Variants in BMP7 observed in about 807,000 individuals in gnomAD.
BMP7 encodes bone morphogenetic protein 7.
A neutral mutation model predicts 41.2 loss-of-function variants in BMP7; 12 were observed. The ratio of observed to expected loss-of-function variants is 0.29; its 90% CI spans 0.19 to 0.47. The LOEUF is 0.47. BMP7 is among the 20% of genes least tolerant of loss of function. The probability of loss-of-function intolerance (pLI) is 0.99; values close to 1 mark genes in which losing one functional copy is unlikely to be tolerated. For missense variants in BMP7, 467 were observed against 606.0 expected (o/e 0.77, Z 2.41); for synonymous variants, 248 against 250.0 (o/e 0.99, Z 0.07).
chr20:57,253,416 C>T (rs1308184464), intron 1 of BMP7, among the ~76,000 whole-genome samples: 1 of 152,204 alleles, frequency 6.6e-6, no homozygotes. Context: ...TCCCACCCTA[C>T]CCCCTCTTTC....
In BMP7 at chr20:57,209,249, TTATATATATATATATATATATATATATA is replaced by T. The variant is rs57062226; in HGVS notation, c.612-6654_612-6627del. ...AACAAATACCTAGATTTATATATTT[TTATATATATATATATATATATATATATA>T]TATATATATGTATATAAATTAACCA... On this transcript the variant is annotated intron_variant, in intron 2 of 6. Transcript: ENST00000395863. Among the ~76,000 whole-genome samples the T allele has an allele frequency of 2.1e-4, 20 of 94,876 alleles. 1 individual carries two copies. The highest frequency in any genetic ancestry group is 6.2e-4 in the African/African-American group (18 of 29,070). The allele number at this position is 94,876 out of a possible 152,430, so 62.2% of individuals were successfully genotyped here.
In BMP7 at chr20:57,202,601, C is replaced by T. The variant is rs752403942; in HGVS notation, c.634G>A (p.Asp212Asn). Residue 212 changes from aspartate to asparagine, a missense_variant, in exon 3 of 7, where the codon GAC becomes AAC. Physicochemically the swap from Asp to Asn is conservative, Grantham distance 23. This residue lies in a region of BMP7 where 407 missense variants were observed against 485.9 expected (regional missense o/e 0.84). Coordinates refer to ENST00000395863, the MANE Select transcript of BMP7 (RefSeq NM_001719.3). ...TCCGAGGCCCAGAGGGTACGGCTGTCGAGCAGGAAGAGATCCGATTCCCTG... is the reference window on the plus strand; with the variant it reads ...TCCGAGGCCCAGAGGGTACGGCTGTTGAGCAGGAAGAGATCCGATTCCCTG... Reference protein sequence around the residue: ...LGRESDLFLLDSRTLWASEEG... With the variant: ...LGRESDLFLLNSRTLWASEEG... 19 of 1,612,032 alleles carry T rather than the reference C, an allele frequency of 1.2e-5. No homozygotes were observed. Among genetic ancestry groups the T allele is most frequent in the South Asian group, 3.3e-5 (3 of 91,070 alleles).
In BMP7 at chr20:57,197,396, C is replaced by T. The variant is rs1347280930; in HGVS notation, c.760+5079G>A. On this transcript the variant is annotated intron_variant, in intron 3 of 6. Transcript: ENST00000395863. ...ATGTTAGAGGGTCCTGGGGTCTCTACCTCCGGATGGCCAGGCTGGGTCCCC... is the reference window on the plus strand; with the variant it reads ...ATGTTAGAGGGTCCTGGGGTCTCTATCTCCGGATGGCCAGGCTGGGTCCCC... 3.3e-5 allele frequency among the ~76,000 whole-genome samples: 5 copies of T among 152,156 alleles called. No homozygotes were observed. In the East Asian group the frequency reaches 7.7e-4, roughly 23 times the overall value.
intron 1 of BMP7, among the ~76,000 whole-genome samples, chr20:57,232,221 A>G (rs543997245): frequency 6.6e-6 from 1 of 152,312 alleles, no homozygotes; most frequent in African/African-American, 2.4e-5. Flanking sequence ...TGGAGATAGT[A>G]ACAATGGCCC....
At chr20:57,263,660 AG>A (rs2066162217) in intron 1 of BMP7, among the ~76,000 whole-genome samples, 1 of 152,176 alleles carries the variant, frequency 6.6e-6, no homozygotes, top group Non-Finnish European at 1.5e-5. Flanking sequence ...ACCCAACAGA[AG>A]GGAAGATGCT....
chr20:57,221,446 G>A (rs1253281032), intron 2 of BMP7, among the ~76,000 whole-genome samples: 1 of 152,160 alleles, frequency 6.6e-6, no homozygotes, highest in East Asian at 1.9e-4. Flanking sequence ...AAACATATGC[G>A]ACTGGGGAAA....
chr20:57,245,067 A>G (rs1342154673), intron 1 of BMP7, among the ~76,000 whole-genome samples: 2 of 151,886 alleles, frequency 1.3e-5, no homozygotes, highest in African/African-American at 4.8e-5. Context: ...TTAAAGCCAC[A>G]CTCTGTCCCT....
intron 1 of BMP7, among the ~76,000 whole-genome samples, chr20:57,257,595 T>C (rs73915076): frequency 0.043 from 6,516 of 152,216 alleles, 467 homozygotes; most frequent in African/African-American, 0.15. Flanking sequence ...TACAACTTAT[T>C]ACTATTTAAG....
chr20:57,239,883 TG>T (rs1341002424), intron 1 of BMP7, among the ~76,000 whole-genome samples: 2 of 152,040 alleles, frequency 1.3e-5, no homozygotes, highest in Non-Finnish European at 2.9e-5. Context: ...GTCCCTAGGG[TG>T]CACACAGCAG....
chr20:57,256,625 T>G (rs913672712), intron 1 of BMP7, among the ~76,000 whole-genome samples: 4 of 152,224 alleles, frequency 2.6e-5, no homozygotes, highest in African/African-American at 9.6e-5. Context: ...CCCAGCACTT[T>G]GGGAGGCCAA....
Position 57,169,365 on chromosome 20 carries a change from T to C in BMP7, c.*1594A>G, listed in dbSNP as rs947859379. 8.5e-5 allele frequency: 13 copies of C among 152,196 alleles called. No individual in the cohort carries two copies. The highest frequency in any genetic ancestry group is 2.9e-4 in the African/African-American group (12 of 41,444). 9.4% of individuals were successfully genotyped at this position (152,196 alleles called of 1,614,324 possible). A position where few individuals can be genotyped will look rare whatever the true frequency, so the allele number is the denominator to read the frequency against. On this transcript the variant is annotated 3_prime_UTR_variant, in exon 7 of 7. Coordinates refer to ENST00000395863, the MANE Select transcript of BMP7 (RefSeq NM_001719.3). ...CAGTCTAGCCCTCCCCTAGGCCTTGTGTTTGTGGCCGGAGGCTGAGTGCAT... is the reference window on the plus strand; with the variant it reads ...CAGTCTAGCCCTCCCCTAGGCCTTGCGTTTGTGGCCGGAGGCTGAGTGCAT...
chr20:57,223,257 C>T (rs982382026), intron 2 of BMP7, among the ~76,000 whole-genome samples: 1 of 151,592 alleles, frequency 6.6e-6, no homozygotes, highest in African/African-American at 2.4e-5. Flanking sequence ...GAATCTCTTT[C>T]CTTCCTCTTG....
intron 3 of BMP7, among the ~76,000 whole-genome samples, chr20:57,190,016 A>G (rs1186960819): frequency 6.6e-6 from 1 of 152,224 alleles, no homozygotes; most frequent in Non-Finnish European, 1.5e-5. Context: ...TTCCTGGCAG[A>G]GGGAATGGCA....
At chr20:57,251,788 T>G (rs573933688) in intron 1 of BMP7, among the ~76,000 whole-genome samples, 7 of 152,086 alleles carry the variant, frequency 4.6e-5, no homozygotes, top group Admixed American at 4.6e-4. Context: ...ACAAAAATTA[T>G]CTGGGCGTGG....
rs190803986 is a variant in BMP7, at chr20:57,265,323, G to A, written c.418+382C>T. 7.5e-3 allele frequency among the ~76,000 whole-genome samples: 1,146 copies of A among 152,308 alleles called. 5 individuals carry two copies. Among genetic ancestry groups the A allele is most frequent in the Admixed American group, 9.9e-3 (152 of 15,308 alleles). On this transcript the variant is annotated intron_variant, in intron 1 of 6. Transcript: ENST00000395863. ...AGAGGGGCCCAGGAAGGGCGGCAAG[G>A]CAGCCTCGCCGGGAAGGGCCCTTTA...
In BMP7 at chr20:57,168,860, T is replaced by C. The variant is rs1304337041; in HGVS notation, c.*2099A>G. ...CTCGACGCAACAGCTGTGAGTACAT[T>C]GGTCCAACCATTAATAAATAGTCTT... is the stretch of plus-strand genomic sequence containing the variant. On this transcript the variant is annotated 3_prime_UTR_variant, in exon 7 of 7. Transcript: ENST00000395863. 1 of 151,606 alleles carries C rather than the reference T, an allele frequency of 6.6e-6. No individual in the cohort carries two copies. Among genetic ancestry groups the C allele is most frequent in the African/African-American group, 2.4e-5 (1 of 41,062 alleles). The allele number at this position is 151,606 out of a possible 1,614,324, so 9.4% of individuals were successfully genotyped here. A position where few individuals can be genotyped will look rare whatever the true frequency, so the allele number is the denominator to read the frequency against.
chr20:57,200,230 A>G (rs947696536), intron 3 of BMP7, among the ~76,000 whole-genome samples: 2 of 152,234 alleles, frequency 1.3e-5, no homozygotes, highest in African/African-American at 4.8e-5. Context: ...TTGGAGATGG[A>G]AACTATTATT....
At chr20:57,176,761 C>CAT (rs1983932546) in intron 4 of BMP7, among the ~76,000 whole-genome samples, 2 of 132,852 alleles carry the variant, frequency 1.5e-5, no homozygotes, top group African/African-American at 5.2e-5. Flanking sequence ...CACACACACA[C>CAT]ACACACACAC....
In BMP7 at chr20:57,183,621, G is replaced by A. The variant is rs146049748; in HGVS notation, c.958+101C>T. The A allele has an allele frequency of 3.5e-4, 513 of 1,480,640 alleles. 1 individual carries two copies. In the African/African-American group the frequency reaches 6.4e-3, roughly 19 times the overall value. 91.7% of individuals were successfully genotyped at this position (1,480,640 alleles called of 1,614,324 possible). ...GCTATATTTGTTCCAGAGCCATCTG[G>A]TGAGCACCTGAATGGATTTTGAGTC... On this transcript the variant is annotated intron_variant, in intron 4 of 6. Transcript: ENST00000395863.
Sources: gnomAD v4.1 joint callset for allele counts (sites outside exome capture counted in the v4.1 genomes callset) on GRCh38, gnomAD v4.1.1 for gene constraint, gnomAD v4.1.1 regional missense constraint, MANE v1.5 for transcripts, NCBI Gene and HGNC (gene_info 2026-07-23, HGNC 2026-07-21) for gene names.